The following RPL35A variants were observed in gnomAD, a reference collection of about 807,000 sequenced individuals.
RPL35A encodes the protein large ribosomal subunit protein eL33.
A neutral mutation model predicts 16.7 loss-of-function variants in RPL35A; 1 was observed. The observed-to-expected ratio is 0.06, with a 90% CI of 0.02 to 0.28. RPL35A has a LOEUF of 0.28. Among genes scored for constraint, RPL35A ranks in the 10% least tolerant of loss-of-function variants. The pLI is 1.00. For missense variants in RPL35A, 91 were observed against 138.7 expected (o/e 0.66, Z 1.73); for synonymous variants, 58 against 47.0 (o/e 1.23, Z -0.96).
Position 197,950,238 on chromosome 3 carries a change from C to T in RPL35A, c.-33+17C>T. 2 of 1,230,802 alleles carry T rather than the reference C, an allele frequency of 1.6e-6. No individual in the cohort carries two copies. Among genetic ancestry groups the T allele is most frequent in the Non-Finnish European group, 2.0e-6 (2 of 987,692 alleles). 76.2% of individuals were successfully genotyped at this position (1,230,802 alleles called of 1,614,324 possible). On this transcript the variant is annotated intron_variant, in intron 1 of 4. Transcript: ENST00000647248. ...CCTGTGGAGGTGAGTGAAGGGTCTG[C>T]TGCTGAAATTTGGGGGCAAATAACC...
intron 3 of RPL35A, chr3:197,953,351 G>A (rs1334887543): frequency 4.6e-6 from 2 of 438,270 alleles, no homozygotes; most frequent in Non-Finnish European, 9.2e-6. Context: ...ACTGCAGCCT[G>A]GGTGACAAGA....
At chr3:197,950,834 C>T (rs1720006294) in intron 1 of RPL35A, 102 bp from the exon 2 acceptor site, 3 of 1,018,098 alleles carry the variant, frequency 2.9e-6, no homozygotes, top group South Asian at 1.4e-5. Flanking sequence ...CTACATGAAA[C>T]TCCCATCCAA....
rs1560119856 is a variant in RPL35A, at chr3:197,950,984, C to A, written c.11+6C>A. 1 of 1,613,300 alleles carries A rather than the reference C, an allele frequency of 6.2e-7. No individual in the cohort carries two copies. The highest frequency in any genetic ancestry group is 2.2e-5 in the East Asian group (1 of 44,878). On this transcript the variant is annotated splice_donor_region_variant and intron_variant, in intron 2 of 4. Transcript: ENST00000647248. ...AAAGGAACTATGTCTGGAAGGTACGCGTTTTAAATATAGTTCTTTATTTTT... is the reference window on the plus strand; with the variant it reads ...AAAGGAACTATGTCTGGAAGGTACGAGTTTTAAATATAGTTCTTTATTTTT...
At chr3:197,953,944 T>C (rs1439585374) in intron 3 of RPL35A, 59 bp from the exon 4 acceptor site, 1 of 1,595,802 alleles carries the variant, frequency 6.3e-7, no homozygotes, top group African/African-American at 1.3e-5. Flanking sequence ...AGAGGTCACC[T>C]TGAATTTGTA....
chr3:197,952,167 T>G (rs945527074), intron 3 of RPL35A, among the ~76,000 whole-genome samples: 4 of 126,892 alleles, frequency 3.2e-5, no homozygotes, highest in Admixed American at 7.6e-5. Context: ...TATGGGTTTT[T>G]TTTTTTTTTT....
chr3:197,950,898 T>G, intron 1 of RPL35A, 38 bp from the exon 2 acceptor site: 1 of 1,608,724 alleles, frequency 6.2e-7, no homozygotes, highest in Non-Finnish European at 8.5e-7. Context: ...GAAACTTGTG[T>G]GGCTTGGTTT....
In RPL35A at chr3:197,955,949, A is replaced by T; in HGVS notation, c.*176A>T. On this transcript the variant is annotated 3_prime_UTR_variant, in exon 5 of 5. Coordinates refer to ENST00000647248, the MANE Select transcript of RPL35A (RefSeq NM_000996.4). ...GTGATGAAAATTACAGGGCGAGTACAGAGATTTAGAAGGGAACGGGTTTTA... is the reference window on the plus strand; with the variant it reads ...GTGATGAAAATTACAGGGCGAGTACTGAGATTTAGAAGGGAACGGGTTTTA... The T allele has an allele frequency of 1.6e-6, 1 of 629,846 alleles. No homozygotes were observed. The highest frequency in any genetic ancestry group is 2.9e-6 in the Non-Finnish European group (1 of 349,864). 39.0% of individuals were successfully genotyped at this position (629,846 alleles called of 1,614,324 possible). A position where few individuals can be genotyped will look rare whatever the true frequency, so the allele number is the denominator to read the frequency against.
In RPL35A at chr3:197,950,219, G is replaced by A; in HGVS notation, c.-35G>A. 1 of 1,231,390 alleles carries A rather than the reference G, an allele frequency of 8.1e-7. No homozygotes were observed. The highest frequency in any genetic ancestry group is 3.2e-5 in the East Asian group (1 of 31,704). 76.3% of individuals were successfully genotyped at this position (1,231,390 alleles called of 1,614,324 possible). A position where few individuals can be genotyped will look rare whatever the true frequency, so the allele number is the denominator to read the frequency against. ...TCTTACCGCCATCTTGGCTCCTGTGGAGGTGAGTGAAGGGTCTGCTGCTGA... is the reference window on the plus strand; with the variant it reads ...TCTTACCGCCATCTTGGCTCCTGTGAAGGTGAGTGAAGGGTCTGCTGCTGA... On this transcript the variant is annotated splice_region_variant and 5_prime_UTR_variant, in exon 1 of 5. Coordinates refer to ENST00000647248, the MANE Select transcript of RPL35A (RefSeq NM_000996.4).
At chr3:197,953,419 G>A (rs527442294) in intron 3 of RPL35A, 12 of 456,618 alleles carry the variant, frequency 2.6e-5, no homozygotes, top group East Asian at 6.9e-5. Flanking sequence ...TACATTGCTC[G>A]AACCACAGTA....
rs1283030430 is a variant in RPL35A at position 197,951,206 on chromosome 3, A to G, written c.59A>G (p.Asn20Ser). ...GCTGGCTATAAGCGGGGTCTCCGGA[A>G]CCAAAGGGAGCACACAGCTCTTCTT... is the stretch of plus-strand genomic sequence containing the variant. The part of the protein sequence containing the change: ...IFAGYKRGLR[N>S]QREHTALLKI... The change falls in exon 3 of 5, where the codon AAC becomes AGC. Residue 20 changes from asparagine to serine, a missense_variant. Asn to Ser is a conservative substitution (Grantham distance 46). Coordinates refer to ENST00000647248, the MANE Select transcript of RPL35A (RefSeq NM_000996.4). The G allele has an allele frequency of 6.2e-7, 1 of 1,614,218 alleles. No homozygotes were observed. The highest frequency in any genetic ancestry group is 1.7e-5 in the Admixed American group (1 of 60,020).
intron 3 of RPL35A, 142 bp from the exon 4 acceptor site, chr3:197,953,861 A>G (rs1227189522): frequency 1.3e-6 from 1 of 766,454 alleles, no homozygotes; most frequent in African/African-American, 1.7e-5. Flanking sequence ...TATCTGTTGA[A>G]TGAATGGTGT....
chr3:197,950,535 C>T (rs1719972705), intron 1 of RPL35A: 1 of 316,524 alleles, frequency 3.2e-6, no homozygotes, highest in Non-Finnish European at 5.7e-6. Flanking sequence ...TCCATACCTT[C>T]CTTGGCTTGT....
At chr3:197,952,933 T>C (rs1720234835) in intron 3 of RPL35A, among the ~76,000 whole-genome samples, 2 of 152,048 alleles carry the variant, frequency 1.3e-5, no homozygotes, top group African/African-American at 4.8e-5. Context: ...CCCCAGTAGC[T>C]GGGATTACAG....
intron 1 of RPL35A, 178 bp downstream of exon 1, chr3:197,950,399 G>A (rs78182582): frequency 0.036 from 39,252 of 1,090,926 alleles, 823 homozygotes; most frequent in South Asian, 0.05. Flanking sequence ...TTGGTCCCCT[G>A]ACACCCGGAG....
chr3:197,955,484 T>G (rs1720456571), intron 4 of RPL35A, among the ~76,000 whole-genome samples: 1 of 152,038 alleles, frequency 6.6e-6, no homozygotes, highest in Admixed American at 6.6e-5. Context: ...GGATGGTCTC[T>G]ATCTCTTGAC....
At chr3:197,950,780 C>G in intron 1 of RPL35A, 156 bp from the exon 2 acceptor site, 1 of 656,468 alleles carries the variant, frequency 1.5e-6, no homozygotes, top group Non-Finnish European at 2.7e-6. Context: ...CTTGCCGGAC[C>G]CTGCGTTTCA....
intron 3 of RPL35A, chr3:197,953,673 T>C: frequency 2.3e-6 from 1 of 438,680 alleles, no homozygotes; most frequent in Admixed American, 2.9e-5. Flanking sequence ...AATTCCTCCT[T>C]TCTGTACACA....
intron 3 of RPL35A, among the ~76,000 whole-genome samples, chr3:197,952,171 T>G (rs898969197): frequency 9.2e-5 from 12 of 130,692 alleles, no homozygotes; most frequent in Non-Finnish European, 1.4e-4. Context: ...GGTTTTTTTT[T>G]TTTTTTTTTT....
chr3:197,954,028 C>T lies in RPL35A; in HGVS notation c.190C>T (p.Pro64Ser). The T allele has an allele frequency of 6.2e-7, 1 of 1,613,406 alleles. No individual in the cohort carries two copies. The highest frequency in any genetic ancestry group is 1.3e-5 in the African/African-American group (1 of 75,002). The change falls in exon 4 of 5, where the codon CCA becomes TCA. Residue 64 changes from proline (P) to serine (S), a missense_variant. By Grantham distance (74) the Pro-to-Ser change is moderately conservative. Transcript: ENST00000647248. ...KNNTVTPGGK[P>S]NKTRVIWGKV... is the part of the protein sequence containing the mutation. ...CAACACAGTCACTCCTGGCGGCAAA[C>T]CAAACAAAACCAGAGTCATCTGGGG...
Sources: allele counts gnomAD v4.1 joint callset (sites outside exome capture counted in the v4.1 genomes callset), GRCh38; gene constraint gnomAD v4.1.1; transcripts MANE v1.5; gene names NCBI Gene and HGNC (gene_info 2026-07-23, HGNC 2026-07-21).